Variants in HIBADH observed in about 807,000 individuals in gnomAD.
HIBADH encodes the protein 3-hydroxyisobutyrate dehydrogenase, mitochondrial.
A neutral mutation model predicts 36.1 loss-of-function variants in HIBADH; 25 were observed. That is an observed-to-expected ratio of 0.69 (90% CI 0.50 to 0.97). HIBADH has a LOEUF of 0.97. HIBADH is among the 50% of genes least tolerant of loss of function. The pLI is 0.00. For synonymous variants in HIBADH, 160 were observed against 149.5 expected (o/e 1.07, Z -0.51); for missense variants, 421 against 418.0 (o/e 1.01, Z -0.06).
At chr7:27,601,587 T>G (rs1163453215) in intron 4 of HIBADH, among the ~76,000 whole-genome samples, 1 of 152,098 alleles carries the variant, frequency 6.6e-6, no homozygotes, top group African/African-American at 2.4e-5. Flanking sequence ...TGCATTTAAC[T>G]GGGTAATGTT....
rs559355666 is a variant in HIBADH, at chr7:27,642,064, T to C, written c.252+7409A>G. ...TGCACAAGAAGCTAAGTCTTCGCTA[T>C]TATTCACTAATCTGGGAGGAGCACC... On this transcript the variant is annotated intron_variant, in intron 2 of 7. Coordinates refer to ENST00000265395, the MANE Select transcript of HIBADH (RefSeq NM_152740.4). Among the ~76,000 whole-genome samples the C allele has an allele frequency of 4.6e-5, 7 of 152,330 alleles. No individual in the cohort carries two copies. The East Asian group carries it at 1.3e-3, about 29-fold the overall frequency.
At chr7:27,629,575 G>T in intron 3 of HIBADH, 83 bp from the exon 4 acceptor site, 1 of 926,332 alleles carries the variant, frequency 1.1e-6, no homozygotes, top group Non-Finnish European at 1.5e-6. Context: ...AGAATCTGCT[G>T]AAAAGCTGCC....
chr7:27,552,286 G>A (rs1045292435), intron 4 of HIBADH, among the ~76,000 whole-genome samples: 1 of 152,124 alleles, frequency 6.6e-6, no homozygotes, highest in Non-Finnish European at 1.5e-5. Context: ...GGGTGATCTG[G>A]TTTAACATAA....
chr7:27,547,796 CATTT>C (rs961642905), intron 4 of HIBADH, among the ~76,000 whole-genome samples: 3 of 152,028 alleles, frequency 2.0e-5, no homozygotes, highest in Non-Finnish European at 2.9e-5. Flanking sequence ...CACTTTCCCA[CATTT>C]ATTATATTAA....
At chr7:27,526,460 G>A in intron 7 of HIBADH, 88 bp from the exon 8 acceptor site, 16 of 1,019,846 alleles carry the variant, frequency 1.6e-5, no homozygotes, top group South Asian at 1.4e-4. Context: ...TTTGAAAGAA[G>A]GAAAAATGTA....
intron 4 of HIBADH, among the ~76,000 whole-genome samples, chr7:27,586,344 G>C (rs1314940800): frequency 1.1e-5 from 1 of 90,258 alleles, no homozygotes; most frequent in Non-Finnish European, 2.7e-5. Flanking sequence ...AAAAAAGAAA[G>C]AGAGAAAGAG....
chr7:27,628,850 CAG>C (rs1211934603), intron 4 of HIBADH, among the ~76,000 whole-genome samples: 2 of 151,920 alleles, frequency 1.3e-5, no homozygotes, highest in African/African-American at 4.8e-5. Flanking sequence ...GTGTAAATAT[CAG>C]AGTTATAAAG....
At chr7:27,617,278 T>C (rs1292921940) in intron 4 of HIBADH, among the ~76,000 whole-genome samples, 5 of 152,250 alleles carry the variant, frequency 3.3e-5, no homozygotes, top group Non-Finnish European at 7.3e-5. Flanking sequence ...ACATGTTGTA[T>C]AGGTTTATAG....
chr7:27,530,985 C>G (rs963810361), intron 7 of HIBADH, among the ~76,000 whole-genome samples: 2 of 152,082 alleles, frequency 1.3e-5, no homozygotes, highest in Non-Finnish European at 2.9e-5. Flanking sequence ...CTGGCCCATT[C>G]TTCTCAACCA....
intron 6 of HIBADH, among the ~76,000 whole-genome samples, chr7:27,538,104 C>T (rs1279228894): frequency 6.6e-6 from 1 of 152,108 alleles, no homozygotes; most frequent in Non-Finnish European, 1.5e-5. Flanking sequence ...GCTTCAAATG[C>T]ACAACTTCAA....
intron 3 of HIBADH, among the ~76,000 whole-genome samples, chr7:27,631,533 G>A (rs899419373): frequency 6.6e-6 from 1 of 152,108 alleles, no homozygotes; most frequent in South Asian, 2.1e-4. Flanking sequence ...AATAAGTTAG[G>A]AATAGAAACA....
At chr7:27,638,465 T>G (rs1785896547) in intron 2 of HIBADH, among the ~76,000 whole-genome samples, 1 of 152,006 alleles carries the variant, frequency 6.6e-6, no homozygotes, top group Non-Finnish European at 1.5e-5. Flanking sequence ...AAGACTTAAA[T>G]GTAAAACCTA....
chr7:27,561,165 G>A (rs1784461568), intron 4 of HIBADH, among the ~76,000 whole-genome samples: 1 of 152,038 alleles, frequency 6.6e-6, no homozygotes, highest in African/African-American at 2.4e-5. Flanking sequence ...TTCACTTCTT[G>A]TTGAGTTCAT....
chr7:27,647,784 T>C lies in HIBADH; in HGVS notation c.252+1689A>G, dbSNP rs1249908500. ...AGAGCATCAGAAAGCTCTAGAATTC[T>C]GGGAAAAAGCAGGAGAGAGTCACAA... On this transcript the variant is annotated intron_variant, in intron 2 of 7. Coordinates refer to ENST00000265395, the MANE Select transcript of HIBADH (RefSeq NM_152740.4). The C allele has an allele frequency of 1.2e-5, 4 of 321,540 alleles. No homozygotes were observed. The Admixed American group carries it at 1.6e-4, about 13-fold the overall frequency. The allele number at this position is 321,540 out of a possible 1,614,324, so 19.9% of individuals were successfully genotyped here.
chr7:27,531,141 T>G (rs768237951), intron 7 of HIBADH, 51 bp downstream of exon 7: 18 of 1,518,308 alleles, frequency 1.2e-5, no homozygotes, highest in Non-Finnish European at 1.5e-5. Context: ...AAGGTGTTAT[T>G]GGACCGTGAA....
At chr7:27,568,358 T>C (rs1313570286) in intron 4 of HIBADH, among the ~76,000 whole-genome samples, 1 of 152,208 alleles carries the variant, frequency 6.6e-6, no homozygotes, top group Non-Finnish European at 1.5e-5. Context: ...ACTGGCCTTT[T>C]GGCCTACATG....
chr7:27,620,521 C>A (rs1394273375), intron 4 of HIBADH, among the ~76,000 whole-genome samples: 1 of 151,128 alleles, frequency 6.6e-6, no homozygotes, highest in Non-Finnish European at 1.5e-5. Flanking sequence ...AAAAAAAAAA[C>A]CCTGGCAGCC....
intron 6 of HIBADH, among the ~76,000 whole-genome samples, chr7:27,532,286 A>G (rs192487135): frequency 5.9e-5 from 9 of 152,368 alleles, no homozygotes; most frequent in Admixed American, 5.9e-4. Flanking sequence ...TTTCTTTCAT[A>G]CACAGAGCCA....
chr7:27,546,926 TCTC>T (rs1186200236), intron 4 of HIBADH, among the ~76,000 whole-genome samples: 2 of 152,162 alleles, frequency 1.3e-5, no homozygotes, highest in Admixed American at 6.5e-5. Context: ...TTATTTCTCT[TCTC>T]CTCTTGTCTC....
Sources: gnomAD v4.1 joint callset for allele counts (sites outside exome capture counted in the v4.1 genomes callset) on GRCh38, gnomAD v4.1.1 for gene constraint, MANE v1.5 for transcripts, NCBI Gene and HGNC (gene_info 2026-07-23, HGNC 2026-07-21) for gene names.